PI16: variants seen among roughly 807,000 people sequenced by gnomAD.
PI16 encodes the protein PSP94-binding protein.
A neutral mutation model predicts 38.0 loss-of-function variants in PI16; 35 were observed. The ratio of observed to expected loss-of-function variants is 0.92; its 90% CI spans 0.70 to 1.22. PI16 has a LOEUF of 1.22. Among genes scored for constraint, PI16 ranks in the 50% most tolerant of loss-of-function variants. PI16 has a pLI of 0.00. For missense variants in PI16, 572 were observed against 593.8 expected (o/e 0.96, Z 0.38); for synonymous variants, 275 against 252.9 (o/e 1.09, Z -0.83).
At chr6:36,960,998 G>T (rs1167462876) in intron 2 of PI16, among the ~76,000 whole-genome samples, 1 of 152,038 alleles carries the variant, frequency 6.6e-6, no homozygotes, top group African/African-American at 2.4e-5. Context: ...TGTGATTTGG[G>T]GGAAGTTCCA....
At chr6:36,952,601 C>T (rs888189308), upstream of PI16, among the ~76,000 whole-genome samples, 3 of 152,170 alleles carry the variant, frequency 2.0e-5, no homozygotes, top group Non-Finnish European at 4.4e-5. Context: ...TGTCTAAAAT[C>T]ATTTGACCAT....
At chr6:36,960,804 C>T (rs1319143394) in intron 2 of PI16, among the ~76,000 whole-genome samples, 1 of 152,102 alleles carries the variant, frequency 6.6e-6, no homozygotes, top group African/African-American at 2.4e-5. Context: ...CACGGGGAGA[C>T]CTTCAGCTGA....
At chr6:36,949,003 TG>T (rs1763059527) in intron 1 of PI16, among the ~76,000 whole-genome samples, 1 of 151,972 alleles carries the variant, frequency 6.6e-6, no homozygotes, top group African/African-American at 2.4e-5. Context: ...CCATGTTGGT[TG>T]GCCAGGATGG....
At chr6:36,959,064 C>T (rs910415659) in intron 1 of PI16, 81 bp from the exon 2 acceptor site, 25 of 1,274,668 alleles carry the variant, frequency 2.0e-5, no homozygotes, top group African/African-American at 4.4e-5. Flanking sequence ...GAAGGATTTC[C>T]CCACGACCTC....
upstream of PI16, among the ~76,000 whole-genome samples, chr6:36,951,779 G>T (rs1003052743): frequency 1.3e-5 from 2 of 151,872 alleles, no homozygotes; most frequent in African/African-American, 2.4e-5. Context: ...CATGTCTGAC[G>T]TCCCAGCCTA....
At chr6:36,950,105 C>T (rs551987985), upstream of PI16, among the ~76,000 whole-genome samples, 18 of 152,292 alleles carry the variant, frequency 1.2e-4, no homozygotes, top group African/African-American at 3.4e-4. This position sits in a 1 kb window ranked among gnomAD's most constrained non-coding sequence, Gnocchi z 4.2. Context: ...TGGACTTTCA[C>T]AGCATTGTCA....
At chr6:36,949,464 A>G (rs113999660) in intron 1 of PI16, among the ~76,000 whole-genome samples, 192 of 151,934 alleles carry the variant, frequency 1.3e-3, no homozygotes, top group African/African-American at 4.5e-3. Context: ...GTTGTCAGGA[A>G]CTCACTGAGT....
chr6:36,959,590 AG>A (rs993169919), intron 2 of PI16, among the ~76,000 whole-genome samples: 1 of 152,232 alleles, frequency 6.6e-6, no homozygotes, highest in African/African-American at 2.4e-5. Context: ...CTAGTCTGCT[AG>A]GCCAGGCGCC....
At chr6:36,959,442 A>C (rs1341380985) in intron 2 of PI16, 76 bp downstream of exon 2, 1 of 1,402,230 alleles carries the variant, frequency 7.1e-7, no homozygotes, top group East Asian at 2.5e-5. Context: ...GGGCGGGGCC[A>C]CCTCTGCCTT....
chr6:36,948,608 TTC>T (rs1763048479), intron 1 of PI16, among the ~76,000 whole-genome samples: 1 of 112,968 alleles, frequency 8.9e-6, no homozygotes, highest in East Asian at 2.8e-4. Flanking sequence ...CTGTGTTTCT[TTC>T]TTTTTTTTTT....
intron 6 of PI16, 108 bp from the exon 7 acceptor site, chr6:36,964,278 G>A (rs1007500427): frequency 9.2e-6 from 2 of 216,300 alleles, no homozygotes; most frequent in Non-Finnish European, 1.8e-5. Flanking sequence ...CCCAGACAGA[G>A]GATCTCAGGC....
At chr6:36,953,287 G>A (rs1293026896), upstream of PI16, among the ~76,000 whole-genome samples, 1 of 149,016 alleles carries the variant, frequency 6.7e-6, no homozygotes, top group Non-Finnish European at 1.5e-5. Flanking sequence ...AGTGAGCCAA[G>A]ATCATGCCAC....
At chr6:36,948,632 TCCTTCCCTCCTTCCTCCC>T (rs1561891235) in intron 1 of PI16, among the ~76,000 whole-genome samples, 1 of 95,572 alleles carries the variant, frequency 1.0e-5, no homozygotes, top group Non-Finnish European at 2.1e-5. Flanking sequence ...CCTTCCTTCC[TCCTTCCCTCCTTCCTCCC>T]TCCCTCCTTC....
Position 36,959,325 on chromosome 6 carries a change from G to T in PI16, c.352G>T (p.Ala118Ser), listed in dbSNP as rs1763289993. ...HEREHYNLSA[A>S]TCSPGQMCGH... ...GCGTGAGCACTACAACCTCAGCGCCGCCACCTGCAGCCCAGGCCAGATGTG... is the reference window on the plus strand; with the variant it reads ...GCGTGAGCACTACAACCTCAGCGCCTCCACCTGCAGCCCAGGCCAGATGTG... Residue 118 changes from alanine (A) to serine (S), a missense_variant, in exon 2 of 7, where the codon GCC becomes TCC. Coordinates refer to ENST00000373674, the MANE Select transcript of PI16 (RefSeq NM_153370.3). The T allele has an allele frequency of 2.5e-6, 4 of 1,571,498 alleles. No individual in the cohort carries two copies. The highest frequency in any genetic ancestry group is 2.6e-6 in the Non-Finnish European group (3 of 1,158,672).
chr6:36,959,777 A>G (rs1763306889), intron 2 of PI16, among the ~76,000 whole-genome samples: 2 of 152,088 alleles, frequency 1.3e-5, no homozygotes, highest in South Asian at 4.2e-4. Context: ...CGGAGGTGGA[A>G]GGATCACTTC....
exon 1 of PI16, chr6:36,948,344 AC>A (rs1763044640): frequency 6.6e-6 from 1 of 152,128 alleles, no homozygotes; most frequent in Non-Finnish European, 1.5e-5. Context: ...GCCTGGTTCC[AC>A]CCGGGGGGCA....
chr6:36,957,090 A>G (rs927855955), intron 1 of PI16, among the ~76,000 whole-genome samples: 2 of 152,178 alleles, frequency 1.3e-5, no homozygotes, highest in Non-Finnish European at 2.9e-5. Context: ...ATAATCCAAC[A>G]CATGGGCCTG....
chr6:36,959,448 GC>G, intron 2 of PI16, 82 bp downstream of exon 2: 3 of 1,355,032 alleles, frequency 2.2e-6, no homozygotes, highest in Non-Finnish European at 3.0e-6. Flanking sequence ...GGCCACCTCT[GC>G]CTTCACCCCT....
In PI16 at chr6:36,959,217, C is replaced by T. The variant is rs765919600; in HGVS notation, c.244C>T (p.Arg82Cys). 27 of 1,609,958 alleles carry T rather than the reference C, an allele frequency of 1.7e-5. No homozygotes were observed. The highest frequency in any genetic ancestry group is 2.3e-5 in the Non-Finnish European group (27 of 1,178,800). Residue 82 changes from arginine to cysteine, a missense_variant, in exon 2 of 7, where the codon CGC becomes TGC. Coordinates refer to ENST00000373674, the MANE Select transcript of PI16 (RefSeq NM_153370.3). ...RQCVWGHNKE[R>C]GRRGENLFAI... Reference sequence around the variant, plus strand: ...GTGCGTGTGGGGCCACAACAAGGAGCGCGGGCGCCGCGGCGAGAATCTGTT... The same window carrying T: ...GTGCGTGTGGGGCCACAACAAGGAGTGCGGGCGCCGCGGCGAGAATCTGTT...
Sources: allele counts gnomAD v4.1 joint callset (sites outside exome capture counted in the v4.1 genomes callset), GRCh38; gene constraint gnomAD v4.1.1; non-coding constraint Gnocchi (gnomAD v3.1); transcripts MANE v1.5; gene names NCBI Gene and HGNC (gene_info 2026-07-23, HGNC 2026-07-21).